The following ZNF277 variants were observed in gnomAD, a reference collection of about 807,000 sequenced individuals.
The protein encoded by ZNF277 is nuclear receptor-interacting factor 4.
Under a neutral mutation model 60.7 loss-of-function variants are expected in ZNF277, and 55 were observed. The observed-to-expected ratio is 0.91, with a 90% CI of 0.73 to 1.13. The LOEUF (loss-of-function observed/expected upper bound fraction) is 1.13, where lower values mean the gene tolerates loss of function less well. ZNF277 is among the 50% of genes most tolerant of loss of function. ZNF277 has a pLI of 0.00. For missense variants in ZNF277, 510 were observed against 523.0 expected (o/e 0.98, Z 0.24); for synonymous variants, 178 against 179.3 (o/e 0.99, Z 0.06).
In ZNF277 at chr7:112,297,558, G is replaced by A. The variant is rs1374571879; in HGVS notation, c.465+1247G>A. Among the ~76,000 whole-genome samples the A allele has an allele frequency of 2.6e-5, 4 of 152,302 alleles. No individual in the cohort carries two copies. In the East Asian group the frequency reaches 7.7e-4, roughly 29 times the overall value. ...ACATCCCAAATGATTATTTCTTCCA[G>A]TAGGGGAAGGTGATACCATTGGATG... On this transcript the variant is annotated intron_variant, in intron 4 of 11. Coordinates refer to ENST00000361822, the MANE Select transcript of ZNF277 (RefSeq NM_021994.3).
chr7:112,235,026 C>G (rs558096214), intron 1 of ZNF277, among the ~76,000 whole-genome samples: 1 of 151,992 alleles, frequency 6.6e-6, no homozygotes, highest in South Asian at 2.1e-4. Flanking sequence ...TAACAGCCAT[C>G]TATTTTTTGC....
chr7:112,279,325 C>G (rs1791889437), intron 1 of ZNF277, among the ~76,000 whole-genome samples: 1 of 152,158 alleles, frequency 6.6e-6, no homozygotes, highest in South Asian at 2.1e-4. Flanking sequence ...CAACAGTACA[C>G]AAGGTTATCA....
At chr7:112,272,226 C>T (rs538502828) in intron 1 of ZNF277, among the ~76,000 whole-genome samples, 3 of 152,254 alleles carry the variant, frequency 2.0e-5, no homozygotes, top group African/African-American at 7.2e-5. Context: ...AACATAATAA[C>T]CTCCAGTTCC....
At chr7:112,328,793 C>T (rs533729487) in intron 6 of ZNF277, among the ~76,000 whole-genome samples, 1 of 152,220 alleles carries the variant, frequency 6.6e-6, no homozygotes, top group Non-Finnish European at 1.5e-5. Context: ...TCGCTTGAAC[C>T]CGGGAGGCAC....
At chr7:112,221,809 C>T (rs1247176076) in intron 1 of ZNF277, among the ~76,000 whole-genome samples, 3 of 152,182 alleles carry the variant, frequency 2.0e-5, no homozygotes, top group Admixed American at 2.0e-4. Flanking sequence ...CTGTGTGGCC[C>T]AGTTCCTAAC....
chr7:112,208,504 A>C (rs989099719), intron 1 of ZNF277, among the ~76,000 whole-genome samples: 2 of 151,946 alleles, frequency 1.3e-5, no homozygotes, highest in African/African-American at 4.8e-5. Context: ...TGAAGTAAAA[A>C]AAATGAAAAT....
chr7:112,231,276 A>T (rs932941978), intron 1 of ZNF277, among the ~76,000 whole-genome samples: 2 of 152,118 alleles, frequency 1.3e-5, no homozygotes, highest in Non-Finnish European at 2.9e-5. Context: ...TTTTAAAAAG[A>T]AACTCTTAAA....
At chr7:112,263,722 G>T (rs746017778) in intron 1 of ZNF277, among the ~76,000 whole-genome samples, 1 of 152,328 alleles carries the variant, frequency 6.6e-6, no homozygotes, top group Non-Finnish European at 1.5e-5. Context: ...TGTCTCAGTT[G>T]TAAGTAGATA....
At chr7:112,286,087 G>A (rs575752849) in intron 1 of ZNF277, among the ~76,000 whole-genome samples, 53 of 152,300 alleles carry the variant, frequency 3.5e-4, no homozygotes, top group African/African-American at 1.1e-3. Flanking sequence ...ACTGGCTGTG[G>A]TTTTAGGCTC....
chr7:112,341,021 G>C lies in ZNF277; in HGVS notation c.1159G>C (p.Asp387His). The part of the protein sequence containing the change: ...EETKHTSLLP[D>H]RKTWDQLEYY... ...AACTAAACACACTTCGCTGCTCCCC[G>C]ATAGAAAGACGTGGGATCAACTGGA... The change falls in exon 11 of 12, where the codon GAT becomes CAT. Residue 387 changes from aspartate (D) to histidine (H), a missense_variant. Physicochemically the swap from Asp to His is moderately conservative, Grantham distance 81. Transcript: ENST00000361822. 1 of 1,600,142 alleles carries C rather than the reference G, an allele frequency of 6.2e-7. No individual in the cohort carries two copies. The highest frequency in any genetic ancestry group is 1.7e-4 in the Middle Eastern group (1 of 6,036).
intron 1 of ZNF277, among the ~76,000 whole-genome samples, chr7:112,228,136 T>TCTCTGC (rs1204762908): frequency 2.6e-5 from 4 of 151,980 alleles, no homozygotes; most frequent in Non-Finnish European, 5.9e-5. Flanking sequence ...GTGACTCCAG[T>TCTCTGC]CTCTGCCTCC....
chr7:112,328,202 AT>A (rs1416657858), intron 6 of ZNF277: 2 of 158,148 alleles, frequency 1.3e-5, no homozygotes, highest in African/African-American at 2.4e-5. Context: ...TGTAATTGTA[AT>A]TCCTTTACTT....
At chr7:112,324,306 A>G (rs1409847774) in intron 5 of ZNF277, among the ~76,000 whole-genome samples, 1 of 152,246 alleles carries the variant, frequency 6.6e-6, no homozygotes, top group Non-Finnish European at 1.5e-5. Flanking sequence ...CTGAAAGTAA[A>G]AAACAAAATA....
chr7:112,248,068 A>G (rs1791123068), intron 1 of ZNF277, among the ~76,000 whole-genome samples: 1 of 152,194 alleles, frequency 6.6e-6, no homozygotes, highest in African/African-American at 2.4e-5. Context: ...CAAATACAGA[A>G]GAAGGTAAAT....
chr7:112,342,829 C>T lies in ZNF277; in HGVS notation c.*100C>T, dbSNP rs987843681. On this transcript the variant is annotated 3_prime_UTR_variant, in exon 12 of 12. Transcript: ENST00000361822. ...AGAACAATTTAAATTTGAACATCAACAAAAGATTGGTCCTTGGTGAAATAA... is the reference window on the plus strand; with the variant it reads ...AGAACAATTTAAATTTGAACATCAATAAAAGATTGGTCCTTGGTGAAATAA... The T allele has an allele frequency of 5.2e-6, 5 of 963,314 alleles. No individual in the cohort carries two copies. The highest frequency in any genetic ancestry group is 7.0e-6 in the Non-Finnish European group (5 of 717,440). 59.7% of individuals were successfully genotyped at this position (963,314 alleles called of 1,614,324 possible).
chr7:112,247,526 G>C (rs2117004297), intron 1 of ZNF277, among the ~76,000 whole-genome samples: 1 of 152,234 alleles, frequency 6.6e-6, no homozygotes, highest in East Asian at 1.9e-4. Context: ...AAATAATATT[G>C]GTGTGAGGCA....
At position 112,341,587 on chromosome 7, in the gene ZNF277, A is replaced by G. The variant is rs556206962; in HGVS notation, c.1184+541A>G. On this transcript the variant is annotated intron_variant, in intron 11 of 11. Coordinates refer to ENST00000361822, the MANE Select transcript of ZNF277 (RefSeq NM_021994.3). ...TGCACACTGCTAGGACTTTTTGTAT[A>G]TATTTTGTATATTGGCACTTGAAAA... Among the ~76,000 whole-genome samples, 6 of 152,340 alleles carry G rather than the reference A, an allele frequency of 3.9e-5. No homozygotes were observed. The East Asian group carries it at 5.8e-4, about 15-fold the overall frequency.
chr7:112,239,971 G>C (rs1477258740), intron 1 of ZNF277, among the ~76,000 whole-genome samples: 1 of 152,134 alleles, frequency 6.6e-6, no homozygotes, highest in African/African-American at 2.4e-5. Context: ...ACAGTGTAGA[G>C]TTTTATTGGT....
intron 1 of ZNF277, among the ~76,000 whole-genome samples, chr7:112,234,933 A>C (rs1192203460): frequency 6.6e-6 from 1 of 151,796 alleles, no homozygotes; most frequent in Non-Finnish European, 1.5e-5. Context: ...TTAAGTTGTA[A>C]ACATTGATTT....
Sources: gnomAD v4.1 joint callset for allele counts (sites outside exome capture counted in the v4.1 genomes callset) on GRCh38, gnomAD v4.1.1 for gene constraint, MANE v1.5 for transcripts, NCBI Gene and HGNC (gene_info 2026-07-23, HGNC 2026-07-21) for gene names.